COG6: variants seen among roughly 807,000 people sequenced by gnomAD.
The protein encoded by COG6 is conserved oligomeric Golgi complex subunit 6.
In COG6, 74 loss-of-function variants were observed where a neutral mutation model predicts 88.8. That is an observed-to-expected ratio of 0.83 (90% CI 0.69 to 1.01). The LOEUF (loss-of-function observed/expected upper bound fraction) is 1.01, where lower values mean the gene tolerates loss of function less well. Ranked by LOEUF, COG6 falls within the 50% of genes least tolerant of loss-of-function variation. The pLI is 0.00. For synonymous variants in COG6, 286 were observed against 278.7 expected (o/e 1.03, Z -0.26); for missense variants, 800 against 797.9 (o/e 1.00, Z -0.03).
Position 39,724,561 on chromosome 13 carries a change from G to A in COG6, c.1746G>A (p.Met582Ile), listed in dbSNP as rs1381957465. The change falls in exon 17 of 19, where the codon ATG becomes ATA. Residue 582 changes from methionine (M) to isoleucine (I), a missense_variant and splice_region_variant. By Grantham distance (10) the Met-to-Ile change is conservative. Transcript: ENST00000455146. Reference protein sequence around the residue: ...NLDSVTLKAAMVQFDRYLSAP... With the variant: ...NLDSVTLKAAIVQFDRYLSAP... ...ATTCTGTGACACTGAAGGCTGCAAT[G>A]GTAAGTGTATAATAAAACATTTTAA... 9 of 1,589,308 alleles carry A rather than the reference G, an allele frequency of 5.7e-6. No homozygotes were observed. The South Asian group carries it at 8.9e-5, about 16-fold the overall frequency.
intron 4 of COG6, among the ~76,000 whole-genome samples, chr13:39,671,442 T>G (rs1412386671): frequency 6.6e-6 from 1 of 151,682 alleles, no homozygotes; most frequent in African/African-American, 2.4e-5. Context: ...TCATTTAAAG[T>G]GGCTATTGCT....
At position 39,684,797 on chromosome 13, in the gene COG6, T is replaced by G. The variant is rs113081536; in HGVS notation, c.788+2533T>G. ...TCACTGTCCATTATTGTGTCTCAAATAATGTAAGTATTATATACAAGAAAA... is the reference window on the plus strand; with the variant it reads ...TCACTGTCCATTATTGTGTCTCAAAGAATGTAAGTATTATATACAAGAAAA... On this transcript the variant is annotated intron_variant, in intron 8 of 18. Transcript: ENST00000455146. Among the ~76,000 whole-genome samples, 767 of 152,290 alleles carry G rather than the reference T, an allele frequency of 5.0e-3. 7 individuals carry two copies. The highest frequency in any genetic ancestry group is 0.016 in the South Asian group (75 of 4,828).
At chr13:39,771,056 A>G (rs1450587788) in intron 18 of COG6, among the ~76,000 whole-genome samples, 2 of 152,110 alleles carry the variant, frequency 1.3e-5, no homozygotes, top group African/African-American at 4.8e-5. Flanking sequence ...CATGTCATGT[A>G]AGTAGCTGCA....
At chr13:39,664,878 T>C (rs1875146781) in intron 3 of COG6, among the ~76,000 whole-genome samples, 1 of 152,200 alleles carries the variant, frequency 6.6e-6, no homozygotes, top group Non-Finnish European at 1.5e-5. Context: ...ACCTTTTTCT[T>C]TCTTGTAAGC....
At chr13:39,679,208 A>T in intron 5 of COG6, 2 of 313,348 alleles carry the variant, frequency 6.4e-6, no homozygotes, top group Non-Finnish European at 6.0e-6. Context: ...ACTTTTTTTC[A>T]TGTAGTAATT....
At chr13:39,710,378 C>T (rs1878171902) in intron 13 of COG6, among the ~76,000 whole-genome samples, 1 of 152,038 alleles carries the variant, frequency 6.6e-6, no homozygotes, top group Non-Finnish European at 1.5e-5. Flanking sequence ...CAAGAGTAAG[C>T]CATTGAAGAT....
rs202012445 is a variant in COG6 at position 39,719,744 on chromosome 13, A to G, written c.1501A>G (p.Met501Val). 2 of 1,612,608 alleles carry G rather than the reference A, an allele frequency of 1.2e-6. No homozygotes were observed. The highest frequency in any genetic ancestry group is 1.7e-5 in the Admixed American group (1 of 59,918). The change falls in exon 15 of 19, where the codon ATG becomes GTG. Residue 501 changes from methionine to valine, a missense_variant. By Grantham distance (21) the Met-to-Val change is conservative (BLOSUM62 1). Coordinates refer to ENST00000455146, the MANE Select transcript of COG6 (RefSeq NM_020751.3). ...NLGTADMATFMVNSLYMMKTT... is the reference protein window; with the variant it reads ...NLGTADMATFVVNSLYMMKTT... ...AGGCACAGCTGACATGGCCACTTTC[A>G]TGGTCAATTCACTATATATGATGAA... is the stretch of plus-strand genomic sequence containing the variant.
chr13:39,684,425 A>G (rs904207649), intron 8 of COG6, among the ~76,000 whole-genome samples: 1 of 149,792 alleles, frequency 6.7e-6, no homozygotes. Context: ...AATTTTTTGT[A>G]TTTTTTAGTA....
intron 13 of COG6, among the ~76,000 whole-genome samples, chr13:39,709,807 T>A (rs1878141395): frequency 6.6e-6 from 1 of 152,180 alleles, no homozygotes. Flanking sequence ...GGCACTTAGG[T>A]TGATTCCGTA....
chr13:39,705,262 T>A (rs1877826407), intron 13 of COG6, among the ~76,000 whole-genome samples: 1 of 152,186 alleles, frequency 6.6e-6, no homozygotes, highest in Non-Finnish European at 1.5e-5. Context: ...AAAATATGAT[T>A]GCTTTTGTGC....
intron 4 of COG6, among the ~76,000 whole-genome samples, chr13:39,670,922 G>T (rs942224772): frequency 3.9e-5 from 6 of 151,964 alleles, no homozygotes; most frequent in African/African-American, 1.4e-4. Flanking sequence ...TTGCATAAAT[G>T]GTTTTATATT....
Position 39,699,541 on chromosome 13 carries a change from A to G in COG6, c.1207A>G (p.Ile403Val), listed in dbSNP as rs760516994. 29 of 1,596,730 alleles carry G rather than the reference A, an allele frequency of 1.8e-5. 1 individual carries two copies. The highest frequency in any genetic ancestry group is 2.2e-5 in the East Asian group (1 of 44,610). ...GNSATALLTT[I>V]EEMHLLSKKI... ...TAGTGCAACTGCATTATTGACTACC[A>G]TTGAAGAAATGCATTTGCTAAGCAA... Residue 403 changes from isoleucine (I) to valine (V), a missense_variant, in exon 13 of 19, where the codon ATT (isoleucine) becomes GTT (valine). Physicochemically the swap from Ile to Val is conservative, Grantham distance 29 (BLOSUM62 3). Coordinates refer to ENST00000455146, the MANE Select transcript of COG6 (RefSeq NM_020751.3).
chr13:39,672,549 A>G (rs183006914), intron 4 of COG6, among the ~76,000 whole-genome samples: 15 of 152,142 alleles, frequency 9.9e-5, no homozygotes, highest in African/African-American at 3.1e-4. Context: ...CACATAGATA[A>G]ACACTTTTAA....
intron 13 of COG6, among the ~76,000 whole-genome samples, chr13:39,700,965 T>C (rs775521782): frequency 6.6e-6 from 1 of 151,854 alleles, no homozygotes; most frequent in Non-Finnish European, 1.5e-5. Context: ...TGCTAGAACA[T>C]GAGTATGAGT....
intron 18 of COG6, among the ~76,000 whole-genome samples, chr13:39,733,278 C>G (rs1879555006): frequency 6.7e-6 from 1 of 149,800 alleles, no homozygotes; most frequent in African/African-American, 2.5e-5. Flanking sequence ...GCAACCTCTG[C>G]GTCCTGGGTG....
chr13:39,754,832 TA>T (rs575466799), downstream of COG6, among the ~76,000 whole-genome samples: 91 of 152,290 alleles, frequency 6.0e-4, no homozygotes, highest in African/African-American at 2.1e-3. Context: ...TGAAATTTGG[TA>T]GAGTGCTTGT....
At chr13:39,776,026 C>T (rs2138182647) in intron 18 of COG6, among the ~76,000 whole-genome samples, 1 of 152,274 alleles carries the variant, frequency 6.6e-6, no homozygotes, top group South Asian at 2.1e-4. Flanking sequence ...GCCTTGGTCT[C>T]CCAAAGTGCT....
chr13:39,726,050 G>T (rs1879119357), intron 17 of COG6, among the ~76,000 whole-genome samples: 1 of 151,852 alleles, frequency 6.6e-6, no homozygotes, highest in Admixed American at 6.6e-5. Context: ...GAACAATTAA[G>T]GTGAATATGA....
intron 18 of COG6, among the ~76,000 whole-genome samples, chr13:39,776,352 A>G (rs759802699): frequency 1.3e-5 from 2 of 152,184 alleles, no homozygotes; most frequent in Non-Finnish European, 2.9e-5. Flanking sequence ...ATCAACAAAC[A>G]CCCAGAAGCA....
Sources: gnomAD v4.1 joint callset for allele counts (sites outside exome capture counted in the v4.1 genomes callset) on GRCh38, gnomAD v4.1.1 for gene constraint, MANE v1.5 for transcripts, NCBI Gene and HGNC (gene_info 2026-07-23, HGNC 2026-07-21) for gene names.